Variants in CNTNAP2 observed in about 807,000 individuals in gnomAD.
CNTNAP2 encodes the protein contactin associated protein 2, also known as contactin-associated protein-like 2.
In CNTNAP2, 98 loss-of-function variants were observed where a neutral mutation model predicts 155.2. The observed-to-expected ratio is 0.63, with a 90% CI of 0.54 to 0.75. The LOEUF is 0.75. Among genes scored for constraint, CNTNAP2 ranks in the 30% least tolerant of loss-of-function variants. CNTNAP2 has a pLI of 0.00. For missense variants in CNTNAP2, 1,727 were observed against 1,688.1 expected, an observed-to-expected ratio of 1.02 and a Z score of -0.40; for synonymous variants, 651 against 631.2, an observed-to-expected ratio of 1.03 and a Z score of -0.47.
chr7:148,038,393 T>C (rs1024324212), intron 15 of CNTNAP2, among the ~76,000 whole-genome samples: 5 of 152,238 alleles, frequency 3.3e-5, no homozygotes, highest in Non-Finnish European at 7.3e-5. Flanking sequence ...AGTTCAAGTA[T>C]CTATGATCCT....
At chr7:148,371,996 C>G (rs919156732) in intron 21 of CNTNAP2, among the ~76,000 whole-genome samples, 13 of 151,954 alleles carry the variant, frequency 8.6e-5, no homozygotes, top group African/African-American at 2.4e-4. Context: ...GTCAGGAGAT[C>G]GAGACCAGCC....
chr7:146,687,467 T>C (rs927364187), intron 1 of CNTNAP2, among the ~76,000 whole-genome samples: 4 of 152,148 alleles, frequency 2.6e-5, no homozygotes, highest in African/African-American at 9.7e-5. Flanking sequence ...CATCATTGTC[T>C]GTGCCCCTTT....
At chr7:148,078,544 C>CA (rs1344450022) in intron 15 of CNTNAP2, among the ~76,000 whole-genome samples, 1 of 151,602 alleles carries the variant, frequency 6.6e-6, no homozygotes, top group Non-Finnish European at 1.5e-5. Context: ...GCAATGGTGC[C>CA]ATCTCGGCTC....
chr7:148,093,283 A>G (rs895454632), intron 15 of CNTNAP2, among the ~76,000 whole-genome samples: 6 of 152,198 alleles, frequency 3.9e-5, no homozygotes, highest in African/African-American at 1.4e-4. Flanking sequence ...AACACCGGCT[A>G]TATACTCCTT....
chr7:147,981,005 G>C (rs537820594), intron 15 of CNTNAP2, among the ~76,000 whole-genome samples: 1 of 151,134 alleles, frequency 6.6e-6, no homozygotes, highest in African/African-American at 2.4e-5. Context: ...CGTATCAACT[G>C]CATTTTCCAG....
intron 14 of CNTNAP2, among the ~76,000 whole-genome samples, chr7:147,929,796 A>C (rs1400180279): frequency 6.6e-6 from 1 of 152,212 alleles, no homozygotes; most frequent in African/African-American, 2.4e-5. Context: ...ACCAAGGGAC[A>C]GTTTTATGGA....
At chr7:146,616,341 TTGAA>T (rs1259979403) in intron 1 of CNTNAP2, among the ~76,000 whole-genome samples, 1 of 152,146 alleles carries the variant, frequency 6.6e-6, no homozygotes, top group African/African-American at 2.4e-5. Flanking sequence ...CTATAGCTCT[TTGAA>T]AGAGAGAGAT....
At chr7:146,173,358 A>G (rs1798422620) in intron 1 of CNTNAP2, among the ~76,000 whole-genome samples, 1 of 152,166 alleles carries the variant, frequency 6.6e-6, no homozygotes, top group South Asian at 2.1e-4. Context: ...GGTGTTTTTA[A>G]TAATTGAATT....
intron 1 of CNTNAP2, among the ~76,000 whole-genome samples, chr7:146,371,365 GTTTTTTTTTTTT>G (rs58066282): frequency 7.1e-5 from 7 of 98,536 alleles, no homozygotes; most frequent in South Asian, 6.5e-4. Flanking sequence ...GCCAGTATTA[GTTTTTTTTTTTT>G]TTTTTTTTTG....
At chr7:147,442,456 A>G (rs1261616308) in intron 10 of CNTNAP2, among the ~76,000 whole-genome samples, 3 of 152,222 alleles carry the variant, frequency 2.0e-5, no homozygotes, top group African/African-American at 7.2e-5. Context: ...CCAGGAGCCA[A>G]GTGCTGGAAT....
At chr7:147,571,379 A>T (rs1274516177) in intron 12 of CNTNAP2, among the ~76,000 whole-genome samples, 1 of 148,698 alleles carries the variant, frequency 6.7e-6, no homozygotes, top group African/African-American at 2.5e-5. Context: ...TTCTTAATTC[A>T]ACTACAAGTA....
intron 3 of CNTNAP2, among the ~76,000 whole-genome samples, chr7:146,981,859 T>C (rs539239972): frequency 3.3e-4 from 50 of 152,294 alleles, no homozygotes; most frequent in African/African-American, 9.9e-4. Context: ...GCAAACCTTA[T>C]ATTGAAAAGG....
At chr7:146,679,361 T>TTTG (rs1800461307) in intron 1 of CNTNAP2, among the ~76,000 whole-genome samples, 1 of 146,262 alleles carries the variant, frequency 6.8e-6, no homozygotes, top group Non-Finnish European at 1.5e-5. Flanking sequence ...TTTTTTTTTT[T>TTTG]TTTTTTGGAG....
chr7:146,985,308 ATTTTTTTTTTTTTTTTTT>A (rs71165057), intron 3 of CNTNAP2, among the ~76,000 whole-genome samples: 3 of 127,826 alleles, frequency 2.3e-5, no homozygotes, highest in African/African-American at 9.4e-5. Context: ...AAATGCTTGA[ATTTTTTTTTTTTTTTTTT>A]TTTTTTTTTT....
intron 13 of CNTNAP2, among the ~76,000 whole-genome samples, chr7:147,858,370 AG>A (rs1416677771): frequency 6.6e-6 from 1 of 152,238 alleles, no homozygotes; most frequent in Non-Finnish European, 1.5e-5. Context: ...GACAGGCGTA[AG>A]CCACTGCGCC....
intron 8 of CNTNAP2, among the ~76,000 whole-genome samples, chr7:147,273,856 ATAT>A (rs942155058): frequency 6.8e-5 from 10 of 147,606 alleles, no homozygotes; most frequent in African/African-American, 2.5e-4. Flanking sequence ...ACATATATAA[ATAT>A]ATATGTAATA....
intron 9 of CNTNAP2, among the ~76,000 whole-genome samples, chr7:147,342,324 GTTTTC>G (rs1370013006): frequency 7.0e-6 from 1 of 143,102 alleles, no homozygotes; most frequent in Non-Finnish European, 1.5e-5. Flanking sequence ...ATATATTTGA[GTTTTC>G]TTTGATCAAA....
chr7:147,220,783 C>T (rs1311187467), intron 8 of CNTNAP2, among the ~76,000 whole-genome samples: 1 of 152,028 alleles, frequency 6.6e-6, no homozygotes, highest in Non-Finnish European at 1.5e-5. Flanking sequence ...GGCATGATCT[C>T]GGCTCTCTCA....
intron 12 of CNTNAP2, 56 bp downstream of exon 12, chr7:147,562,313 G>A (rs1274084937): frequency 1.1e-5 from 17 of 1,606,888 alleles, no homozygotes; most frequent in Non-Finnish European, 1.4e-5. Flanking sequence ...TCACGAATAA[G>A]TAGTTCCACC....
Sources: gnomAD v4.1 joint callset for allele counts (sites outside exome capture counted in the v4.1 genomes callset) on GRCh38, gnomAD v4.1.1 for gene constraint, MANE v1.5 for transcripts, NCBI Gene and HGNC (gene_info 2026-07-23, HGNC 2026-07-21) for gene names.